Variants in TMEM108 observed in about 807,000 individuals in gnomAD.
TMEM108 encodes cancer/testis antigen 124.
In TMEM108, 12 loss-of-function variants were observed where a neutral mutation model predicts 35.1. That is an observed-to-expected ratio of 0.34 (90% CI 0.22 to 0.55). The LOEUF (loss-of-function observed/expected upper bound fraction) is 0.55, where lower values mean the gene tolerates loss of function less well. Among genes scored for constraint, TMEM108 ranks in the 20% least tolerant of loss-of-function variants. The pLI, the probability that TMEM108 is intolerant of heterozygous loss-of-function variation, is 0.89. For missense variants in TMEM108, 680 were observed against 753.3 expected (o/e 0.90, Z 1.14); for synonymous variants, 287 against 308.6 (o/e 0.93, Z 0.73).
chr3:133,102,104 C>G (rs1944096369), intron 2 of TMEM108, among the ~76,000 whole-genome samples: 1 of 152,182 alleles, frequency 6.6e-6, no homozygotes. Context: ...GCACAACTCG[C>G]ACAAACATAT....
intron 3 of TMEM108, among the ~76,000 whole-genome samples, chr3:133,355,992 A>G (rs938237): frequency 0.32 from 49,102 of 152,070 alleles, 8,612 homozygotes; most frequent in East Asian, 0.48. Flanking sequence ...GTCAAGAGAA[A>G]GAAATATAGG....
intron 3 of TMEM108, among the ~76,000 whole-genome samples, chr3:133,373,756 C>T (rs1381512948): frequency 6.6e-6 from 1 of 152,208 alleles, no homozygotes; most frequent in African/African-American, 2.4e-5. Context: ...GTTGTTGAAA[C>T]ATCAATTGCA....
At position 133,380,988 on chromosome 3, in the gene TMEM108, C is replaced by CA; in HGVS notation, c.1278dup (p.Gly427ArgfsTer106). The CA allele has an allele frequency of 6.2e-7, 1 of 1,614,206 alleles. No individual in the cohort carries two copies. The highest frequency in any genetic ancestry group is 1.6e-4 in the Middle Eastern group (1 of 6,062). On this transcript the variant is annotated frameshift_variant, in exon 4 of 6. Transcript: ENST00000321871. LOFTEE classifies it high-confidence loss of function. The surrounding 1 kb of genome is among the most constrained non-coding windows in gnomAD (Gnocchi z 5.3). The stretch of plus-strand genomic sequence containing the variant: ...CTCTCCACAGTGGTATCCACAGCCA[C>CA]AGGCAATTTCCTCAACCGCCTGGTC...
At chr3:133,276,248 T>A (rs1428575490) in intron 3 of TMEM108, among the ~76,000 whole-genome samples, 2 of 152,222 alleles carry the variant, frequency 1.3e-5, no homozygotes, top group Non-Finnish European at 1.5e-5. Flanking sequence ...CTGGCACCTC[T>A]ACCATGTTAA....
At chr3:133,269,408 C>A (rs2107680900) in intron 3 of TMEM108, among the ~76,000 whole-genome samples, 1 of 152,250 alleles carries the variant, frequency 6.6e-6, no homozygotes, top group Non-Finnish European at 1.5e-5. Context: ...CCTCCCAGAG[C>A]CTTAGTCCCA....
intron 2 of TMEM108, among the ~76,000 whole-genome samples, chr3:133,086,587 G>A (rs76862681): frequency 0.086 from 13,138 of 152,162 alleles, 685 homozygotes; most frequent in East Asian, 0.14. Flanking sequence ...TTTTTAAAAC[G>A]TTATCCATGT....
intron 2 of TMEM108, among the ~76,000 whole-genome samples, chr3:133,099,193 G>A (rs769106825): frequency 6.6e-6 from 1 of 152,234 alleles, no homozygotes; most frequent in African/African-American, 2.4e-5. Flanking sequence ...AAGCTGCCAA[G>A]GCTTAGGGAA....
At chr3:133,233,160 A>T (rs1401683510) in intron 3 of TMEM108, among the ~76,000 whole-genome samples, 1 of 151,998 alleles carries the variant, frequency 6.6e-6, no homozygotes, top group Admixed American at 6.6e-5. Flanking sequence ...ATTTAGCATT[A>T]GGTATATCTC....
chr3:133,235,444 C>T (rs975987233), intron 3 of TMEM108, among the ~76,000 whole-genome samples: 37 of 152,160 alleles, frequency 2.4e-4, no homozygotes, highest in African/African-American at 6.0e-4. Flanking sequence ...TCAGAAATAA[C>T]GCTGCATATC....
At chr3:133,347,735 A>G (rs2071864591) in intron 3 of TMEM108, among the ~76,000 whole-genome samples, 1 of 152,136 alleles carries the variant, frequency 6.6e-6, no homozygotes, top group Admixed American at 6.5e-5. Flanking sequence ...ATACCTCACT[A>G]AAATAAGTTA....
intron 3 of TMEM108, among the ~76,000 whole-genome samples, chr3:133,363,975 A>C (rs2072432185): frequency 6.6e-6 from 1 of 152,226 alleles, no homozygotes; most frequent in Admixed American, 6.5e-5. Context: ...TTAATAGCCA[A>C]ATGTGGCTAG....
At chr3:133,047,828 AT>A (rs1943358538) in intron 2 of TMEM108, among the ~76,000 whole-genome samples, 2 of 152,306 alleles carry the variant, frequency 1.3e-5, no homozygotes, top group African/African-American at 4.8e-5. Flanking sequence ...AAATAGTCTA[AT>A]GAAGTAATGT....
chr3:133,080,394 G>A (rs74839880), intron 2 of TMEM108, among the ~76,000 whole-genome samples: 4,213 of 152,254 alleles, frequency 0.028, 100 homozygotes, highest in South Asian at 0.059. Context: ...CAGAAACTAA[G>A]CCACTCATTT....
chr3:133,278,525 T>C (rs534735879), intron 3 of TMEM108, among the ~76,000 whole-genome samples: 6 of 152,348 alleles, frequency 3.9e-5, no homozygotes, highest in South Asian at 2.1e-4. Context: ...TACAGTATAC[T>C]ACACACCTAC....
At chr3:133,169,858 A>G (rs752808966) in intron 2 of TMEM108, among the ~76,000 whole-genome samples, 26 of 151,828 alleles carry the variant, frequency 1.7e-4, no homozygotes, top group Non-Finnish European at 3.5e-4. Flanking sequence ...GAGTAAAAAC[A>G]CAGTGATGCG....
intron 3 of TMEM108, among the ~76,000 whole-genome samples, chr3:133,249,177 G>A (rs1345049226): frequency 6.6e-6 from 1 of 152,180 alleles, no homozygotes; most frequent in African/African-American, 2.4e-5. Context: ...CTCTAGTTGT[G>A]GAACTTAAGC....
At chr3:133,130,400 T>C (rs902581090) in intron 2 of TMEM108, among the ~76,000 whole-genome samples, 1 of 152,200 alleles carries the variant, frequency 6.6e-6, no homozygotes, top group Admixed American at 6.5e-5. Context: ...AGGCTGTGGG[T>C]TAGAATCATC....
chr3:133,278,884 A>C (rs192405590), intron 3 of TMEM108, among the ~76,000 whole-genome samples: 1 of 152,316 alleles, frequency 6.6e-6, no homozygotes, highest in Non-Finnish European at 1.5e-5. Context: ...CCCAGACCTA[A>C]TGAATTAGAA....
At chr3:133,318,106 G>C (rs1223811350) in intron 3 of TMEM108, among the ~76,000 whole-genome samples, 1 of 152,246 alleles carries the variant, frequency 6.6e-6, no homozygotes, top group African/African-American at 2.4e-5. Flanking sequence ...TTACAGTTCA[G>C]ATTGCTGGTG....
Sources: gnomAD v4.1 joint callset for allele counts (sites outside exome capture counted in the v4.1 genomes callset) on GRCh38, gnomAD v4.1.1 for gene constraint, Gnocchi (gnomAD v3.1) non-coding constraint, MANE v1.5 for transcripts, NCBI Gene and HGNC (gene_info 2026-07-23, HGNC 2026-07-21) for gene names.